CCM2: variants seen among roughly 807,000 people sequenced by gnomAD.
CCM2 encodes CCM2 scaffold protein, also known as cerebral cavernous malformations 2 protein.
Under a neutral mutation model 44.9 loss-of-function variants are expected in CCM2, and 25 were observed. The ratio of observed to expected loss-of-function variants is 0.56; its 90% CI spans 0.41 to 0.78. CCM2 has a LOEUF of 0.78. Among genes scored for constraint, CCM2 ranks in the 30% least tolerant of loss-of-function variants. The pLI, the probability that CCM2 is intolerant of heterozygous loss-of-function variation, is 0.00. For missense variants in CCM2, 481 were observed against 580.6 expected, an observed-to-expected ratio of 0.83 and a Z score of 1.76; for synonymous variants, 219 against 241.1, an observed-to-expected ratio of 0.91 and a Z score of 0.85.
rs576620773 is a variant in CCM2 at position 45,011,388 on chromosome 7, G to T, written c.30+11025G>T. ...ATTTTTGTATTTTTAGTAGAGATGG[G>T]GTTTCACCATGTTGGCCGGGCTCCT... On this transcript the variant is annotated intron_variant, in intron 1 of 9. Coordinates refer to ENST00000258781, the MANE Select transcript of CCM2 (RefSeq NM_031443.4). 1.4e-4 allele frequency among the ~76,000 whole-genome samples: 22 copies of T among 151,946 alleles called. No homozygotes were observed. In the South Asian group the frequency reaches 1.9e-3, roughly 13 times the overall value.
At chr7:45,030,675 A>G (rs1407077693) in intron 1 of CCM2, among the ~76,000 whole-genome samples, 2 of 152,068 alleles carry the variant, frequency 1.3e-5, no homozygotes, top group Non-Finnish European at 2.9e-5. Context: ...TTGGCCTCCC[A>G]AAGTGTTGGA....
chr7:45,016,845 C>A (rs1417465890), intron 1 of CCM2, among the ~76,000 whole-genome samples: 1 of 152,166 alleles, frequency 6.6e-6, no homozygotes, highest in Non-Finnish European at 1.5e-5. Flanking sequence ...GTTGACCAGG[C>A]TGATCTCTAA....
intron 1 of CCM2, among the ~76,000 whole-genome samples, chr7:45,006,080 G>A (rs757130887): frequency 1.3e-5 from 2 of 152,204 alleles, no homozygotes; most frequent in Non-Finnish European, 2.9e-5. Context: ...AGTGGAGCCC[G>A]GGGATGGATG....
chr7:45,034,095 A>T (rs1284132129), intron 1 of CCM2, among the ~76,000 whole-genome samples: 1 of 152,170 alleles, frequency 6.6e-6, no homozygotes, highest in African/African-American at 2.4e-5. Flanking sequence ...ATGAAGCCCG[A>T]AAGTGCCTTA....
chr7:45,056,471 A>G (rs1191284015), intron 2 of CCM2, among the ~76,000 whole-genome samples: 1 of 152,206 alleles, frequency 6.6e-6, no homozygotes, highest in African/African-American at 2.4e-5. Flanking sequence ...CCTAGGCAAC[A>G]TAGTGAGACC....
chr7:45,039,864 TA>T (rs1187939153), intron 2 of CCM2, among the ~76,000 whole-genome samples: 1 of 151,728 alleles, frequency 6.6e-6, no homozygotes, highest in African/African-American at 2.4e-5. Flanking sequence ...CCGTCTCTAC[TA>T]AAAATACAAA....
intron 6 of CCM2, 135 bp downstream of exon 6, chr7:45,070,096 TTTG>T: frequency 8.6e-7 from 1 of 1,163,586 alleles, no homozygotes; most frequent in East Asian, 2.4e-5. Context: ...GTTTCCAGAC[TTTG>T]CTGTTCACAT....
chr7:45,009,948 C>CA (rs1445855268), intron 1 of CCM2, among the ~76,000 whole-genome samples: 1 of 150,524 alleles, frequency 6.6e-6, no homozygotes, highest in Admixed American at 6.6e-5. Context: ...CTCACTCTGT[C>CA]ACAGAGGCTG....
intron 2 of CCM2, among the ~76,000 whole-genome samples, chr7:45,061,601 G>A (rs992607068): frequency 1.3e-5 from 2 of 151,810 alleles, no homozygotes; most frequent in African/African-American, 4.8e-5. Context: ...CTGAGTAGCT[G>A]GCACCACAGG....
intron 5 of CCM2, among the ~76,000 whole-genome samples, chr7:45,068,995 T>C (rs977847836): frequency 5.9e-5 from 9 of 152,256 alleles, no homozygotes; most frequent in Admixed American, 4.6e-4. Context: ...CGGTCACCTG[T>C]GCATCCTAGA....
At chr7:45,064,046 C>A (rs1798649268) in intron 3 of CCM2, 45 bp downstream of exon 3, 3 of 1,372,602 alleles carry the variant, frequency 2.2e-6, no homozygotes, top group Non-Finnish European at 3.1e-6. Context: ...TCAGCCCCCA[C>A]CAGCCCTTGG....
chr7:45,000,239 G>A lies in CCM2; in HGVS notation c.-95G>A, dbSNP rs1337705302. On this transcript the variant is annotated 5_prime_UTR_variant, in exon 1 of 10. Coordinates refer to ENST00000258781, the MANE Select transcript of CCM2 (RefSeq NM_031443.4). ...CCGGCTGGCGGGCGGCGCCGGGAGC[G>A]CGGGGGCGGCGGGCCCGGGTCGAGC... 5.1e-6 allele frequency: 4 copies of A among 789,498 alleles called. No individual in the cohort carries two copies. The highest frequency in any genetic ancestry group is 4.6e-6 in the Non-Finnish European group (3 of 645,386). The allele number at this position is 789,498 out of a possible 1,614,324, so 48.9% of individuals were successfully genotyped here. A position where few individuals can be genotyped will look rare whatever the true frequency, so the allele number is the denominator to read the frequency against.
chr7:45,040,626 C>T (rs754904831), intron 2 of CCM2, among the ~76,000 whole-genome samples: 3 of 152,182 alleles, frequency 2.0e-5, no homozygotes, highest in Non-Finnish European at 2.9e-5. Context: ...GATGACTAGA[C>T]AGGTCTCTAA....
chr7:45,009,541 A>T (rs1795987710), intron 1 of CCM2, among the ~76,000 whole-genome samples: 1 of 149,920 alleles, frequency 6.7e-6, no homozygotes, highest in African/African-American at 2.5e-5. Flanking sequence ...AGCAGCTGGG[A>T]TTACAGGCAT....
intron 1 of CCM2, among the ~76,000 whole-genome samples, chr7:45,033,327 T>A (rs1797057580): frequency 6.6e-6 from 1 of 152,178 alleles, no homozygotes; most frequent in Non-Finnish European, 1.5e-5. Flanking sequence ...TACATCAACA[T>A]TAAAATAACA....
chr7:45,023,787 G>GTTT lies in CCM2; in HGVS notation c.31-14430_31-14428dup, dbSNP rs10596429. ...TCATTATTTTGATAGCTCTGTATCA[G>GTTT]TTTTTTTTTTTTTTTTTTTTTTTTT... On this transcript the variant is annotated intron_variant, in intron 1 of 9. Transcript: ENST00000258781. Among the ~76,000 whole-genome samples, 39 of 58,638 alleles carry GTTT rather than the reference G, an allele frequency of 6.7e-4. 1 individual carries two copies. The highest frequency in any genetic ancestry group is 9.4e-4 in the Non-Finnish European group (32 of 33,944). The allele number at this position is 58,638 out of a possible 152,430, so 38.5% of individuals were successfully genotyped here.
intron 1 of CCM2, 77 bp from the exon 2 acceptor site, chr7:45,038,176 T>G: frequency 6.3e-7 from 1 of 1,577,172 alleles, no homozygotes; most frequent in South Asian, 1.1e-5. Flanking sequence ...TTTTGGCTAC[T>G]TCTGTTTGTT....
chr7:45,026,965 C>CT (rs1163712303), intron 1 of CCM2: 4 of 154,154 alleles, frequency 2.6e-5, no homozygotes, highest in African/African-American at 9.7e-5. Flanking sequence ...TATCAGAGTT[C>CT]TAAGAGCCTT....
intron 2 of CCM2, among the ~76,000 whole-genome samples, chr7:45,062,249 G>A (rs533995036): frequency 2.0e-5 from 3 of 152,178 alleles, no homozygotes; most frequent in Non-Finnish European, 4.4e-5. Flanking sequence ...ACTTAACTGT[G>A]TGAGGTAATG....
Sources: gnomAD v4.1 joint callset for allele counts (sites outside exome capture counted in the v4.1 genomes callset) on GRCh38, gnomAD v4.1.1 for gene constraint, MANE v1.5 for transcripts, NCBI Gene and HGNC (gene_info 2026-07-23, HGNC 2026-07-21) for gene names.